The following NXPH1 variants were observed in gnomAD, a reference collection of about 807,000 sequenced individuals.
The protein encoded by NXPH1 is neurexophilin-1.
NXPH1 carries 5 observed loss-of-function variants against 23.7 expected under a neutral mutation model. That is an observed-to-expected ratio of 0.21 (90% CI 0.11 to 0.44). NXPH1 has a LOEUF of 0.44. Ranked by LOEUF, NXPH1 falls within the 20% of genes least tolerant of loss-of-function variation. The probability of loss-of-function intolerance (pLI) is 0.99; values close to 1 mark genes in which losing one functional copy is unlikely to be tolerated. For missense variants in NXPH1, 324 were observed against 321.6 expected, an observed-to-expected ratio of 1.01 and a Z score of -0.06; for synonymous variants, 144 against 122.2, an observed-to-expected ratio of 1.18 and a Z score of -1.18.
chr7:8,667,309 T>G (rs909423991), intron 2 of NXPH1, among the ~76,000 whole-genome samples: 1 of 152,158 alleles, frequency 6.6e-6, no homozygotes, highest in African/African-American at 2.4e-5. Context: ...GTGTCCCATT[T>G]TTTTTCAGCT....
chr7:8,560,156 C>T (rs1818416628), intron 2 of NXPH1, among the ~76,000 whole-genome samples: 3 of 151,584 alleles, frequency 2.0e-5, no homozygotes, highest in South Asian at 2.1e-4. Flanking sequence ...TTTCAATATT[C>T]GTAGGATAGT....
At chr7:8,615,853 A>G (rs1037087701) in intron 2 of NXPH1, among the ~76,000 whole-genome samples, 1 of 152,130 alleles carries the variant, frequency 6.6e-6, no homozygotes, top group Admixed American at 6.6e-5. Flanking sequence ...TGCATGGGTT[A>G]TAAGAGCATA....
At chr7:8,595,311 G>A (rs991672192) in intron 2 of NXPH1, among the ~76,000 whole-genome samples, 4 of 151,962 alleles carry the variant, frequency 2.6e-5, no homozygotes, top group Non-Finnish European at 4.4e-5. Context: ...TGCATTTAAA[G>A]AAGTCATGTA....
chr7:8,497,813 T>G (rs1221608595), intron 2 of NXPH1, among the ~76,000 whole-genome samples: 1 of 152,174 alleles, frequency 6.6e-6, no homozygotes, highest in East Asian at 1.9e-4. Flanking sequence ...TTCTGTAGGT[T>G]GCCTGTTCAC....
chr7:8,751,050 C>T lies in NXPH1; in HGVS notation c.97C>T (p.Leu33=). Residue 33 remains leucine, a synonymous_variant, in exon 3 of 3, where the codon CTG becomes TTG. Transcript: ENST00000405863. This position sits in a 1 kb window ranked among gnomAD's most constrained non-coding sequence, Gnocchi z 4.5. ...NLTNGGKSEL[L]KSGSSKSTLK... is the part of the protein sequence containing the mutation. ...AACGAACGGTGGAAAGTCAGAACTT[C>T]TGAAATCAGGAAGCAGCAAATCCAC... 1 of 1,613,828 alleles carries T rather than the reference C, an allele frequency of 6.2e-7. No individual in the cohort carries two copies. The highest frequency in any genetic ancestry group is 8.5e-7 in the Non-Finnish European group (1 of 1,179,778).
intron 2 of NXPH1, among the ~76,000 whole-genome samples, chr7:8,722,332 C>T (rs889606698): frequency 1.3e-5 from 2 of 152,134 alleles, no homozygotes; most frequent in Non-Finnish European, 2.9e-5. Context: ...TTGGGAAACA[C>T]ATATAAAACA....
At chr7:8,510,474 A>T (rs1053507390) in intron 2 of NXPH1, among the ~76,000 whole-genome samples, 6 of 152,108 alleles carry the variant, frequency 3.9e-5, no homozygotes, top group African/African-American at 1.4e-4. Context: ...TTAAAAAAAA[A>T]ATCTACATGT....
At chr7:8,589,214 A>G (rs1170101606) in intron 2 of NXPH1, among the ~76,000 whole-genome samples, 3 of 152,122 alleles carry the variant, frequency 2.0e-5, no homozygotes, top group Non-Finnish European at 2.9e-5. Context: ...ATCTTAAAGT[A>G]TAAGATGAAA....
chr7:8,445,861 TC>T (rs1816395557), intron 2 of NXPH1, among the ~76,000 whole-genome samples: 3 of 152,214 alleles, frequency 2.0e-5, no homozygotes, highest in Admixed American at 2.0e-4. Context: ...CCTGTTTATG[TC>T]AGTGTTTTCA....
chr7:8,644,076 A>G (rs1160437701), intron 2 of NXPH1, among the ~76,000 whole-genome samples: 3 of 152,222 alleles, frequency 2.0e-5, no homozygotes. Flanking sequence ...ACACACTTAC[A>G]TACTACATAG....
chr7:8,694,602 T>C (rs1420772557), intron 2 of NXPH1, among the ~76,000 whole-genome samples: 1 of 152,222 alleles, frequency 6.6e-6, no homozygotes, highest in Non-Finnish European at 1.5e-5. Context: ...ATTTTTTTCA[T>C]ATTTGATTCA....
At chr7:8,658,763 A>C (rs993798155) in intron 2 of NXPH1, among the ~76,000 whole-genome samples, 2 of 152,182 alleles carry the variant, frequency 1.3e-5, no homozygotes, top group Non-Finnish European at 2.9e-5. Flanking sequence ...AGTAGAAAAA[A>C]AGGTCAACCA....
At chr7:8,615,899 G>A (rs112433483) in intron 2 of NXPH1, among the ~76,000 whole-genome samples, 1,583 of 152,070 alleles carry the variant, frequency 0.01, 39 homozygotes, top group African/African-American at 0.036. Flanking sequence ...AAATGAAACA[G>A]GGAAATAAAG....
At chr7:8,457,218 C>G (rs12702753) in intron 2 of NXPH1, among the ~76,000 whole-genome samples, 1 of 152,136 alleles carries the variant, frequency 6.6e-6, no homozygotes, top group Non-Finnish European at 1.5e-5. Context: ...CTTTACTGTG[C>G]AACCATTTTA....
chr7:8,520,561 G>T (rs1817754409), intron 2 of NXPH1, among the ~76,000 whole-genome samples: 1 of 152,150 alleles, frequency 6.6e-6, no homozygotes, highest in Non-Finnish European at 1.5e-5. Context: ...TCCCCCCAAA[G>T]CTGTCAGTGA....
intron 2 of NXPH1, among the ~76,000 whole-genome samples, chr7:8,450,926 A>G (rs1816495481): frequency 6.7e-6 from 1 of 149,372 alleles, no homozygotes; most frequent in South Asian, 2.1e-4. Flanking sequence ...TAGTTTGTGA[A>G]ATAAGTCAGA....
At chr7:8,744,457 A>C (rs1013816974) in intron 2 of NXPH1, among the ~76,000 whole-genome samples, 2 of 152,124 alleles carry the variant, frequency 1.3e-5, no homozygotes, top group Admixed American at 6.5e-5. Flanking sequence ...AGTCCTTACC[A>C]CTTCTGATGA....
intron 2 of NXPH1, among the ~76,000 whole-genome samples, chr7:8,540,868 A>G (rs1584221019): frequency 1.3e-5 from 2 of 151,876 alleles, no homozygotes; most frequent in South Asian, 4.1e-4. Context: ...TAACTAACCC[A>G]TGACTGAGCA....
chr7:8,493,897 C>T (rs1349559867), intron 2 of NXPH1, among the ~76,000 whole-genome samples: 1 of 151,966 alleles, frequency 6.6e-6, no homozygotes, highest in East Asian at 1.9e-4. Flanking sequence ...TACTATTGGG[C>T]TAAGATCCAT....
Sources: gnomAD v4.1 joint callset for allele counts (sites outside exome capture counted in the v4.1 genomes callset) on GRCh38, gnomAD v4.1.1 for gene constraint, Gnocchi (gnomAD v3.1) non-coding constraint, MANE v1.5 for transcripts, NCBI Gene and HGNC (gene_info 2026-07-23, HGNC 2026-07-21) for gene names.